TMEM200A: variants seen among roughly 807,000 people sequenced by gnomAD.
TMEM200A encodes the protein transmembrane protein 200A, also known as two transmembrane C.
In TMEM200A, 12 loss-of-function variants were observed where a neutral mutation model predicts 24.3. The observed-to-expected ratio is 0.49, with a 90% CI of 0.32 to 0.80. The LOEUF (loss-of-function observed/expected upper bound fraction) is 0.80, where lower values mean the gene tolerates loss of function less well. Ranked by LOEUF, TMEM200A falls within the 30% of genes least tolerant of loss-of-function variation. The probability of loss-of-function intolerance (pLI) is 0.04; values close to 1 mark genes in which losing one functional copy is unlikely to be tolerated. For missense variants in TMEM200A, 545 were observed against 614.4 expected (o/e 0.89, Z 1.19); for synonymous variants, 224 against 224.4 (o/e 1.00, Z 0.02).
intron 2 of TMEM200A, among the ~76,000 whole-genome samples, chr6:130,403,014 C>T (rs1779123681): frequency 6.6e-6 from 1 of 152,086 alleles, no homozygotes; most frequent in African/African-American, 2.4e-5. Context: ...TCTCCATCCT[C>T]CAAATCCTCA....
At chr6:130,383,783 G>A (rs190653744) in intron 1 of TMEM200A, among the ~76,000 whole-genome samples, 23 of 152,038 alleles carry the variant, frequency 1.5e-4, no homozygotes, top group African/African-American at 5.1e-4. Flanking sequence ...GAGGCCATGG[G>A]ACCCATAGAA....
chr6:130,389,258 A>T (rs182551040), intron 2 of TMEM200A, among the ~76,000 whole-genome samples: 94 of 152,310 alleles, frequency 6.2e-4, no homozygotes, highest in Non-Finnish European at 1.2e-3. Context: ...ACCCAGTCAC[A>T]CAACAAGATA....
At chr6:130,435,616 G>T (rs1271607303) in intron 2 of TMEM200A, among the ~76,000 whole-genome samples, 1 of 152,196 alleles carries the variant, frequency 6.6e-6, no homozygotes, top group Non-Finnish European at 1.5e-5. Flanking sequence ...AAACACTTGG[G>T]TGAAGCTTTG....
intron 1 of TMEM200A, among the ~76,000 whole-genome samples, chr6:130,378,655 G>C (rs1778522482): frequency 6.6e-6 from 1 of 151,504 alleles, no homozygotes; most frequent in South Asian, 2.1e-4. Flanking sequence ...CCCGAGAGGT[G>C]GATGTTGCAG....
chr6:130,377,434 G>C (rs1294094661), intron 1 of TMEM200A, among the ~76,000 whole-genome samples: 1 of 152,150 alleles, frequency 6.6e-6, no homozygotes, highest in Non-Finnish European at 1.5e-5. Context: ...CCAACTGCCA[G>C]AATCTCATCT....
At chr6:130,377,981 T>C (rs1447655494) in intron 1 of TMEM200A, among the ~76,000 whole-genome samples, 1 of 152,104 alleles carries the variant, frequency 6.6e-6, no homozygotes, top group African/African-American at 2.4e-5. Context: ...CATTAGTATA[T>C]CCTGTGAAGG....
intron 2 of TMEM200A, among the ~76,000 whole-genome samples, chr6:130,422,179 G>A (rs1347611531): frequency 1.3e-5 from 2 of 152,070 alleles, no homozygotes; most frequent in African/African-American, 4.8e-5. Context: ...CAGTGTACAA[G>A]GGTTCCCTTT....
chr6:130,373,617 T>C (rs940505187), intron 1 of TMEM200A, among the ~76,000 whole-genome samples: 4 of 152,250 alleles, frequency 2.6e-5, no homozygotes, highest in African/African-American at 9.6e-5. Context: ...TATTTGATAT[T>C]ATAAATGGCA....
chr6:130,420,848 C>G (rs1273409688), intron 2 of TMEM200A, among the ~76,000 whole-genome samples: 1 of 152,060 alleles, frequency 6.6e-6, no homozygotes, highest in Non-Finnish European at 1.5e-5. Flanking sequence ...CGCTTGTTGT[C>G]TTTCCCTTCC....
chr6:130,417,769 T>G (rs1779491950), intron 2 of TMEM200A, among the ~76,000 whole-genome samples: 2 of 152,208 alleles, frequency 1.3e-5, no homozygotes, highest in Non-Finnish European at 2.9e-5. Context: ...GATGAACTTC[T>G]TAAGGAAAGA....
At chr6:130,376,489 G>A (rs549124916) in intron 1 of TMEM200A, among the ~76,000 whole-genome samples, 2 of 152,166 alleles carry the variant, frequency 1.3e-5, no homozygotes, top group African/African-American at 4.8e-5. Flanking sequence ...CACCATGTTG[G>A]CCAGGCTGGG....
chr6:130,436,580 A>G (rs921397948), intron 2 of TMEM200A, among the ~76,000 whole-genome samples: 1 of 139,024 alleles, frequency 7.2e-6, no homozygotes, highest in Admixed American at 7.5e-5. Context: ...GAGCCTGTAG[A>G]TTCACTCATT....
intron 2 of TMEM200A, among the ~76,000 whole-genome samples, chr6:130,423,216 C>A (rs1779645809): frequency 6.6e-6 from 1 of 152,088 alleles, no homozygotes; most frequent in Non-Finnish European, 1.5e-5. Flanking sequence ...CCATGTGCCT[C>A]TTGTTACTAC....
At position 130,366,653 on chromosome 6, in the gene TMEM200A, C is replaced by A; in HGVS notation, c.-81+129C>A. The stretch of plus-strand genomic sequence containing the variant: ...GCTACAGCCTCCAGAGTTAGGTAAA[C>A]GCTGTCTCTCCTAAAGTTTGGGAAA... On this transcript the variant is annotated intron_variant, in intron 1 of 2. Transcript: ENST00000296978. The surrounding 1 kb of genome is among the most constrained non-coding windows in gnomAD (Gnocchi z 4.4). The A allele has an allele frequency of 1.2e-6, 1 of 808,868 alleles. No homozygotes were observed. The highest frequency in any genetic ancestry group is 1.5e-6 in the Non-Finnish European group (1 of 668,854). 50.1% of individuals were successfully genotyped at this position (808,868 alleles called of 1,614,324 possible). A position where few individuals can be genotyped will look rare whatever the true frequency, so the allele number is the denominator to read the frequency against.
At chr6:130,438,824 T>C (rs1780085277) in intron 2 of TMEM200A, 1 of 152,240 alleles carries the variant, frequency 6.6e-6, no homozygotes, top group Non-Finnish European at 1.5e-5. Context: ...TATTATAAAA[T>C]GCTGTAAGGA....
upstream of TMEM200A, chr6:130,365,974 G>T (rs968804736): frequency 3.8e-5 from 37 of 981,766 alleles, no homozygotes; most frequent in Middle Eastern, 1.0e-3. Flanking sequence ...CCCCCAACCC[G>T]CCTCTTCGGG....
intron 2 of TMEM200A, among the ~76,000 whole-genome samples, chr6:130,401,434 TTTCCTTCCTTCC>T (rs66555845): frequency 8.3e-5 from 12 of 144,810 alleles, no homozygotes; most frequent in Non-Finnish European, 1.2e-4. Flanking sequence ...TCTTTCTCTC[TTTCCTTCCTTCC>T]TTCCTTCCTT....
chr6:130,399,152 A>G (rs559957430), intron 2 of TMEM200A, among the ~76,000 whole-genome samples: 66 of 152,152 alleles, frequency 4.3e-4, no homozygotes, highest in African/African-American at 1.5e-3. Context: ...GAAAGTCTAT[A>G]CTTACTCACA....
Position 130,441,429 on chromosome 6 carries a change from A to G in TMEM200A, c.1007A>G (p.Glu336Gly), listed in dbSNP as rs199654358. The change falls in exon 3 of 3, where the codon GAA (glutamate) becomes GGA (glycine). Residue 336 changes from glutamate (E) to glycine (G), a missense_variant. By Grantham distance (98) the Glu-to-Gly change is moderately conservative. Transcript: ENST00000296978. ...SLVVPLPNTS[E>G]SFQPVSTVLP... Reference sequence around the variant, plus strand: ...GTGGTTCCTTTGCCCAACACCAGTGAATCCTTCCAGCCCGTCAGCACAGTG... The same window carrying G: ...GTGGTTCCTTTGCCCAACACCAGTGGATCCTTCCAGCCCGTCAGCACAGTG... 14 of 1,614,114 alleles carry G rather than the reference A, an allele frequency of 8.7e-6. No homozygotes were observed. Among genetic ancestry groups the G allele is most frequent in the Non-Finnish European group, 1.1e-5 (13 of 1,180,004 alleles).
Sources: gnomAD v4.1 joint callset for allele counts (sites outside exome capture counted in the v4.1 genomes callset) on GRCh38, gnomAD v4.1.1 for gene constraint, Gnocchi (gnomAD v3.1) non-coding constraint, MANE v1.5 for transcripts, NCBI Gene and HGNC (gene_info 2026-07-23, HGNC 2026-07-21) for gene names.